The following CDH18 variants were observed in gnomAD, a reference collection of about 807,000 sequenced individuals.
CDH18 encodes the protein cadherin-18.
In CDH18, 31 loss-of-function variants were observed where a neutral mutation model predicts 67.9. That is an observed-to-expected ratio of 0.46 (90% confidence interval 0.34 to 0.62). The LOEUF is 0.62. Ranked by LOEUF, CDH18 falls within the 20% of genes least tolerant of loss-of-function variation. CDH18 has a pLI of 0.01. For synonymous variants in CDH18, 362 were observed against 347.2 expected (o/e 1.04, Z -0.48); for missense variants, 890 against 975.5 (o/e 0.91, Z 1.17).
chr5:19,652,645 G>C (rs1755753966), intron 5 of CDH18, among the ~76,000 whole-genome samples: 1 of 152,066 alleles, frequency 6.6e-6, no homozygotes, highest in Non-Finnish European at 1.5e-5. Flanking sequence ...TTGGGGTTGG[G>C]TGGTGAGGAG....
In CDH18 at chr5:19,689,533, T is replaced by C. The variant is rs374269362; in HGVS notation, c.643+31814A>G. Among the ~76,000 whole-genome samples, 19 of 151,882 alleles carry C rather than the reference T, an allele frequency of 1.3e-4. 1 individual carries two copies. The highest frequency in any genetic ancestry group is 3.4e-3 in the Middle Eastern group (1 of 292). On this transcript the variant is annotated intron_variant, in intron 5 of 12. Transcript: ENST00000382275. ...CATCCCTACAAGAAATGTTTAAGGG[T>C]GTCCTACACCTGGAAACAAAAGGCT...
At chr5:19,899,413 A>T (rs1333715613) in intron 2 of CDH18, among the ~76,000 whole-genome samples, 1 of 151,820 alleles carries the variant, frequency 6.6e-6, no homozygotes, top group Non-Finnish European at 1.5e-5. Context: ...AAAAAAAAAA[A>T]TGATGTTGTC....
intron 10 of CDH18, among the ~76,000 whole-genome samples, chr5:19,507,503 C>A (rs1218748902): frequency 6.6e-6 from 1 of 152,130 alleles, no homozygotes; most frequent in East Asian, 1.9e-4. Flanking sequence ...TTGGAACCAA[C>A]CCAAATGTCC....
chr5:19,618,704 T>C (rs1256873382), intron 5 of CDH18, among the ~76,000 whole-genome samples: 2 of 152,184 alleles, frequency 1.3e-5, no homozygotes. Flanking sequence ...TCCAGGGCAG[T>C]GGGTCCCAGG....
At chr5:20,506,639 C>T (rs938350928) in intron 1 of CDH18, among the ~76,000 whole-genome samples, 8 of 152,178 alleles carry the variant, frequency 5.3e-5, no homozygotes, top group African/African-American at 1.9e-4. Context: ...GTAAGGGACT[C>T]AGTTAAGCCA....
At chr5:19,716,878 T>C (rs144150073) in intron 5 of CDH18, among the ~76,000 whole-genome samples, 18 of 152,126 alleles carry the variant, frequency 1.2e-4, no homozygotes, top group African/African-American at 4.3e-4. Context: ...TATTCTTACA[T>C]TAAGATATGT....
intron 2 of CDH18, among the ~76,000 whole-genome samples, chr5:20,076,986 C>G (rs1446217912): frequency 2.0e-5 from 3 of 152,146 alleles, no homozygotes. Context: ...TTAGCAAGAT[C>G]TGCCAAATAC....
Position 20,105,903 on chromosome 5 carries a change from G to A in CDH18, c.-517-113889C>T, listed in dbSNP as rs140207361. Among the ~76,000 whole-genome samples the A allele has an allele frequency of 6.6e-4, 100 of 152,278 alleles. 1 individual carries two copies. The South Asian group carries it at 0.018, about 27-fold the overall frequency. Reference sequence around the variant, plus strand: ...TGGTGGAAAGTATCTCTTTGAGTCTGAGGGCATTTTTAATTTTTTTTTCCT... The same window carrying A: ...TGGTGGAAAGTATCTCTTTGAGTCTAAGGGCATTTTTAATTTTTTTTTCCT... On this transcript the variant is annotated intron_variant, in intron 2 of 14. Transcript: ENST00000507958.
intron 1 of CDH18, among the ~76,000 whole-genome samples, chr5:20,258,190 T>C (rs887011408): frequency 6.6e-6 from 1 of 152,086 alleles, no homozygotes; most frequent in Non-Finnish European, 1.5e-5. Context: ...TGCATTTTTA[T>C]AGAACCAGGC....
intron 12 of CDH18, among the ~76,000 whole-genome samples, chr5:19,482,565 T>C (rs990272762): frequency 1.3e-5 from 2 of 152,210 alleles, no homozygotes. Flanking sequence ...CTACAAGTTA[T>C]CTATTTTTTA....
intron 3 of CDH18, among the ~76,000 whole-genome samples, chr5:19,772,310 CT>C (rs1455124514): frequency 1.3e-5 from 2 of 152,084 alleles, no homozygotes; most frequent in Non-Finnish European, 2.9e-5. Context: ...GAGAGTTAAT[CT>C]GGATTATCCA....
At chr5:20,401,173 T>C (rs1745738364) in intron 1 of CDH18, among the ~76,000 whole-genome samples, 1 of 152,230 alleles carries the variant, frequency 6.6e-6, no homozygotes, top group Non-Finnish European at 1.5e-5. Context: ...ATTCCCGATG[T>C]TGATAAAAAG....
chr5:20,150,285 A>G (rs1006000823), intron 2 of CDH18, among the ~76,000 whole-genome samples: 3 of 152,090 alleles, frequency 2.0e-5, no homozygotes, highest in Non-Finnish European at 4.4e-5. Context: ...ATGGGAAACA[A>G]CAGTCTAATT....
chr5:20,356,468 G>C (rs1741615399), intron 1 of CDH18, among the ~76,000 whole-genome samples: 1 of 152,090 alleles, frequency 6.6e-6, no homozygotes, highest in South Asian at 2.1e-4. Context: ...AAATGGCTGA[G>C]ATGACTCAAG....
intron 8 of CDH18, among the ~76,000 whole-genome samples, chr5:19,548,235 G>A (rs1042605819): frequency 2.0e-5 from 3 of 151,018 alleles, no homozygotes; most frequent in African/African-American, 4.9e-5. Context: ...ATCAAGTAAC[G>A]ATTTGCCTAG....
intron 1 of CDH18, among the ~76,000 whole-genome samples, chr5:20,571,193 C>T (rs1432117046): frequency 1.3e-5 from 2 of 152,042 alleles, no homozygotes; most frequent in Middle Eastern, 3.2e-3. Context: ...ACGTCTTTAC[C>T]ATTAAATAGA....
chr5:20,544,850 C>A (rs1331233677), intron 1 of CDH18, among the ~76,000 whole-genome samples: 3 of 152,170 alleles, frequency 2.0e-5, no homozygotes, highest in Non-Finnish European at 4.4e-5. Flanking sequence ...CACCCAAAGA[C>A]TTAATTCATT....
chr5:19,584,564 G>C (rs1386397234), intron 7 of CDH18, among the ~76,000 whole-genome samples: 1 of 152,016 alleles, frequency 6.6e-6, no homozygotes, highest in African/African-American at 2.4e-5. Context: ...AAATAACTCT[G>C]AGATTGATAA....
rs115236533 is a variant in CDH18 at position 19,745,606 on chromosome 5, G to C, written c.523+1336C>G. Reference sequence around the variant, plus strand: ...TCCCATGCAAACTCTCACCCACCAGGGTTAAAAAATGCTGAAGCCTTTAAT... The same window carrying C: ...TCCCATGCAAACTCTCACCCACCAGCGTTAAAAAATGCTGAAGCCTTTAAT... On this transcript the variant is annotated intron_variant, in intron 4 of 12. Transcript: ENST00000382275. Among the ~76,000 whole-genome samples, 559 of 152,202 alleles carry C rather than the reference G, an allele frequency of 3.7e-3. 1 individual carries two copies. The highest frequency in any genetic ancestry group is 0.013 in the African/African-American group (536 of 41,534).
Sources: allele counts gnomAD v4.1 joint callset (sites outside exome capture counted in the v4.1 genomes callset), GRCh38; gene constraint gnomAD v4.1.1; transcripts MANE v1.5; gene names NCBI Gene and HGNC (gene_info 2026-07-23, HGNC 2026-07-21).